Variants in WWOX observed in about 807,000 individuals in gnomAD.
WWOX encodes WW domain-containing oxidoreductase.
A neutral mutation model predicts 46.2 loss-of-function variants in WWOX; 69 were observed. The observed-to-expected ratio is 1.49, with a 90% CI of 1.23 to 1.82. WWOX has a LOEUF of 1.82. Among genes scored for constraint, WWOX ranks in the 40% most tolerant of loss-of-function variants. The pLI is 0.00. For synonymous variants in WWOX, 359 were observed against 202.6 expected, an observed-to-expected ratio of 1.77 and a Z score of -6.56; for missense variants, 919 against 542.6, an observed-to-expected ratio of 1.69 and a Z score of -6.89.
intron 8 of WWOX, among the ~76,000 whole-genome samples, chr16:78,826,442 A>G (rs73577450): frequency 0.021 from 3,255 of 152,310 alleles, 108 homozygotes; most frequent in African/African-American, 0.074. Flanking sequence ...GCTCTAGCTA[A>G]GAATCTGTTC....
At chr16:78,844,398 G>T (rs187714231) in intron 8 of WWOX, among the ~76,000 whole-genome samples, 1 of 152,016 alleles carries the variant, frequency 6.6e-6, no homozygotes, top group African/African-American at 2.4e-5. Context: ...TTTTCCTGCC[G>T]TGTGGTACCA....
At chr16:78,741,585 T>C (rs1178086050) in intron 8 of WWOX, among the ~76,000 whole-genome samples, 1 of 151,950 alleles carries the variant, frequency 6.6e-6, no homozygotes, top group East Asian at 1.9e-4. Context: ...CTGGGCACAG[T>C]GGCTCATGCC....
chr16:78,469,671 C>G (rs1274694056), intron 8 of WWOX, among the ~76,000 whole-genome samples: 2 of 152,282 alleles, frequency 1.3e-5, no homozygotes, highest in Admixed American at 6.5e-5. Flanking sequence ...GGGGAATAGT[C>G]TATGGATTCT....
At chr16:78,166,528 G>A (rs2034979075) in intron 5 of WWOX, among the ~76,000 whole-genome samples, 1 of 151,776 alleles carries the variant, frequency 6.6e-6, no homozygotes, top group Admixed American at 6.6e-5. Context: ...AACAGTTCCC[G>A]AGTCATTTTC....
intron 6 of WWOX, among the ~76,000 whole-genome samples, chr16:78,406,618 G>A (rs1159323697): frequency 6.7e-6 from 1 of 148,404 alleles, no homozygotes. Flanking sequence ...CAAAGTGCTG[G>A]GATATACATT....
chr16:79,113,751 C>T (rs1042258438), intron 8 of WWOX, among the ~76,000 whole-genome samples: 1 of 152,144 alleles, frequency 6.6e-6, no homozygotes, highest in African/African-American at 2.4e-5. Context: ...ACTTTTCACC[C>T]GAGGAGGGGA....
At chr16:79,049,469 C>T (rs1265185083) in intron 8 of WWOX, among the ~76,000 whole-genome samples, 5 of 152,130 alleles carry the variant, frequency 3.3e-5, no homozygotes, top group East Asian at 1.9e-4. Context: ...ATTTGCAGCA[C>T]AGCTGGGACA....
Position 78,527,991 on chromosome 16 carries a change from C to CTTTTTTTTTTTTTTTTTTTTTTTTTTT in WWOX, c.1056+95264_1056+95265insTTTTTTTTTTTTTTTTTTTTTTTTTTT, listed in dbSNP as rs71140808. On this transcript the variant is annotated intron_variant, in intron 8 of 8. Transcript: ENST00000566780. ...CTATGTCACAGGACTGGTACATGTC[C>CTTTTTTTTTTTTTTTTTTTTTTTTTTT]TTTTTTTTTTTTTTTTTTTTTTTTT... Among the ~76,000 whole-genome samples the CTTTTTTTTTTTTTTTTTTTTTTTTTTT allele has an allele frequency of 9.2e-4, 32 of 34,878 alleles. 3 individuals carry two copies. The highest frequency in any genetic ancestry group is 0.028 in the Middle Eastern group (1 of 36). 22.9% of individuals were successfully genotyped at this position (34,878 alleles called of 152,430 possible).
chr16:78,739,284 G>C (rs1434758098), intron 8 of WWOX, among the ~76,000 whole-genome samples: 2 of 152,186 alleles, frequency 1.3e-5, no homozygotes, highest in Non-Finnish European at 2.9e-5. Flanking sequence ...GTTCAGCTTG[G>C]TCAAAGCAAG....
At chr16:78,458,190 A>G (rs1198312357) in intron 8 of WWOX, among the ~76,000 whole-genome samples, 5 of 151,544 alleles carry the variant, frequency 3.3e-5, no homozygotes. Context: ...CTTGCCCTAC[A>G]TACTGTTTTA....
At chr16:78,558,159 C>G (rs1375965986) in intron 8 of WWOX, among the ~76,000 whole-genome samples, 1 of 152,182 alleles carries the variant, frequency 6.6e-6, no homozygotes, top group African/African-American at 2.4e-5. Context: ...GCTGCCCTGG[C>G]TGCTGCCACC....
chr16:78,292,393 T>C (rs2079874667), intron 5 of WWOX, among the ~76,000 whole-genome samples: 1 of 152,192 alleles, frequency 6.6e-6, no homozygotes, highest in East Asian at 1.9e-4. Context: ...AATTTGCAAA[T>C]CTGTTTCCAA....
chr16:79,019,704 A>G (rs1597285836), intron 8 of WWOX, among the ~76,000 whole-genome samples: 1 of 152,094 alleles, frequency 6.6e-6, no homozygotes, highest in East Asian at 1.9e-4. Context: ...TAATTGTTGC[A>G]GGCACACTGA....
intron 5 of WWOX, among the ~76,000 whole-genome samples, chr16:78,374,773 A>T (rs1252079316): frequency 6.6e-6 from 1 of 151,800 alleles, no homozygotes; most frequent in Non-Finnish European, 1.5e-5. Flanking sequence ...GATGGTCTTG[A>T]TCTCCTGACC....
intron 5 of WWOX, among the ~76,000 whole-genome samples, chr16:78,369,637 T>A (rs534190461): frequency 2.1e-4 from 32 of 151,924 alleles, no homozygotes; most frequent in Non-Finnish European, 4.1e-4. Context: ...TTTCATTACA[T>A]ACTGTTATCC....
intron 8 of WWOX, among the ~76,000 whole-genome samples, chr16:79,210,279 G>C (rs386776): frequency 0.68 from 103,273 of 152,014 alleles, 36,065 homozygotes; most frequent in Non-Finnish European, 0.76. Context: ...CCTTATGGCA[G>C]ATTCTTCACG....
chr16:78,630,528 T>C (rs1440047995), intron 8 of WWOX, among the ~76,000 whole-genome samples: 2 of 152,180 alleles, frequency 1.3e-5, no homozygotes, highest in African/African-American at 4.8e-5. Context: ...TGGTAGACAA[T>C]ACTTCATATA....
At chr16:78,510,067 CT>C (rs1348685653) in intron 8 of WWOX, among the ~76,000 whole-genome samples, 1 of 2,976 alleles carries the variant, frequency 3.4e-4, no homozygotes, top group Non-Finnish European at 6.1e-3. Context: ...GTCTCCAAGT[CT>C]GTCTGTCTGT....
At chr16:78,592,905 C>G (rs1175659259) in intron 8 of WWOX, among the ~76,000 whole-genome samples, 1 of 152,164 alleles carries the variant, frequency 6.6e-6, no homozygotes, top group Non-Finnish European at 1.5e-5. Context: ...GGAGAGGGAA[C>G]TAACTTCTTC....
Sources: gnomAD v4.1 joint callset for allele counts (sites outside exome capture counted in the v4.1 genomes callset) on GRCh38, gnomAD v4.1.1 for gene constraint, MANE v1.5 for transcripts, NCBI Gene and HGNC (gene_info 2026-07-23, HGNC 2026-07-21) for gene names.